Variants in BABAM2 observed in about 807,000 individuals in gnomAD.
BABAM2 encodes the protein BRISC and BRCA1-A complex member 2.
BABAM2 carries 31 observed loss-of-function variants against 54.7 expected under a neutral mutation model. That is an observed-to-expected ratio of 0.57 (90% confidence interval 0.43 to 0.77). The LOEUF is 0.77. Among genes scored for constraint, BABAM2 ranks in the 30% least tolerant of loss-of-function variants. The pLI, the probability that BABAM2 is intolerant of heterozygous loss-of-function variation, is 0.00. For missense variants in BABAM2, 364 were observed against 455.8 expected (o/e 0.80, Z 1.83); for synonymous variants, 167 against 162.9 (o/e 1.03, Z -0.19).
intron 2 of BABAM2, among the ~76,000 whole-genome samples, chr2:27,910,452 T>C (rs1666501423): frequency 6.6e-6 from 1 of 152,216 alleles, no homozygotes; most frequent in South Asian, 2.1e-4. Flanking sequence ...AAAAGTACAC[T>C]GAATCATAAG....
At chr2:27,897,518 T>G (rs1323740044) in intron 2 of BABAM2, among the ~76,000 whole-genome samples, 1 of 152,202 alleles carries the variant, frequency 6.6e-6, no homozygotes, top group Non-Finnish European at 1.5e-5. Context: ...CTGGTGGAGT[T>G]GATCAGAAGA....
At chr2:27,968,244 C>A (rs573750822) in intron 3 of BABAM2, among the ~76,000 whole-genome samples, 2 of 152,152 alleles carry the variant, frequency 1.3e-5, no homozygotes, top group Non-Finnish European at 1.5e-5. Flanking sequence ...TGGTGCCCTG[C>A]GCCCCAGTTG....
intron 6 of BABAM2, among the ~76,000 whole-genome samples, chr2:28,057,495 A>T (rs959686164): frequency 2.8e-5 from 4 of 145,354 alleles, no homozygotes; most frequent in Admixed American, 6.9e-5. Context: ...ACAGGTGACC[A>T]TTTTTTTTTT....
intron 3 of BABAM2, among the ~76,000 whole-genome samples, chr2:27,981,746 T>C (rs1013496089): frequency 2.0e-5 from 3 of 152,330 alleles, no homozygotes; most frequent in East Asian, 3.9e-4. Context: ...TGTCACAATT[T>C]ATTCATTCAT....
intron 2 of BABAM2, among the ~76,000 whole-genome samples, chr2:27,908,222 G>A (rs1157449938): frequency 1.3e-5 from 2 of 152,076 alleles, no homozygotes; most frequent in African/African-American, 2.4e-5. Flanking sequence ...TGTCACATGG[G>A]TAGTGAGTAT....
intron 4 of BABAM2, among the ~76,000 whole-genome samples, chr2:28,018,912 C>T (rs568390308): frequency 1.5e-3 from 228 of 152,128 alleles, no homozygotes; most frequent in Non-Finnish European, 2.6e-3. Context: ...ATATATGAAC[C>T]AGGGTGGTTT....
chr2:27,909,409 GT>G (rs554647704), intron 2 of BABAM2, among the ~76,000 whole-genome samples: 6 of 151,356 alleles, frequency 4.0e-5, no homozygotes, highest in Admixed American at 2.6e-4. Context: ...CATTAAAAAA[GT>G]TTTTTTTTGG....
In BABAM2 at chr2:28,083,011, CT is replaced by C. The variant is rs748039928; in HGVS notation, c.570+37213del. Among the ~76,000 whole-genome samples the C allele has an allele frequency of 3.9e-5, 6 of 152,316 alleles. No individual in the cohort carries two copies. The East Asian group carries it at 5.8e-4, about 15-fold the overall frequency. On this transcript the variant is annotated intron_variant, in intron 6 of 11. Coordinates refer to ENST00000379624, the MANE Select transcript of BABAM2 (RefSeq NM_199191.3). ...ACCTGGGTCTTATCTTCTCTCCATC[CT>C]CTGCCATCATCCTCCCCAATTCTGG...
At chr2:28,038,633 A>G (rs1558678142) in intron 5 of BABAM2, among the ~76,000 whole-genome samples, 1 of 152,106 alleles carries the variant, frequency 6.6e-6, no homozygotes, top group Non-Finnish European at 1.5e-5. Context: ...AACATGTGGT[A>G]TATGGTTTTC....
At chr2:28,014,954 G>A (rs141609691) in intron 4 of BABAM2, among the ~76,000 whole-genome samples, 4 of 152,220 alleles carry the variant, frequency 2.6e-5, no homozygotes, top group African/African-American at 7.2e-5. Context: ...AAGCCAAAGC[G>A]TAATCAAAAT....
chr2:28,124,324 A>G (rs1441402094), intron 6 of BABAM2, among the ~76,000 whole-genome samples: 1 of 152,198 alleles, frequency 6.6e-6, no homozygotes, highest in East Asian at 1.9e-4. Flanking sequence ...ACAATTGAGT[A>G]GTTTCTGTTC....
chr2:28,121,811 A>T (rs1669090991), intron 6 of BABAM2, among the ~76,000 whole-genome samples: 1 of 152,200 alleles, frequency 6.6e-6, no homozygotes. Flanking sequence ...TGATTAAAAA[A>T]ATCTAAATTT....
At chr2:28,269,912 TTAG>T (rs1173722891) in intron 10 of BABAM2, among the ~76,000 whole-genome samples, 1 of 152,138 alleles carries the variant, frequency 6.6e-6, no homozygotes, top group African/African-American at 2.4e-5. Flanking sequence ...CTGATAGTAC[TTAG>T]TAGTACTTGG....
intron 10 of BABAM2, among the ~76,000 whole-genome samples, chr2:28,296,899 G>A (rs1474215327): frequency 6.6e-6 from 1 of 152,116 alleles, no homozygotes; most frequent in Admixed American, 6.6e-5. Flanking sequence ...TGTTGGCCAG[G>A]CTGGTCTTGA....
intron 4 of BABAM2, among the ~76,000 whole-genome samples, chr2:28,002,765 G>A (rs1354223152): frequency 1.3e-5 from 2 of 152,172 alleles, no homozygotes; most frequent in Non-Finnish European, 2.9e-5. Context: ...TATATTTAAT[G>A]TGATAAACTA....
chr2:27,971,895 A>C (rs1671249597), intron 3 of BABAM2, among the ~76,000 whole-genome samples: 1 of 152,186 alleles, frequency 6.6e-6, no homozygotes, highest in South Asian at 2.1e-4. Flanking sequence ...ACAGTTTGTG[A>C]ATATGCATTA....
intron 5 of BABAM2, among the ~76,000 whole-genome samples, chr2:28,036,361 T>G (rs1676659344): frequency 6.6e-6 from 1 of 152,202 alleles, no homozygotes; most frequent in African/African-American, 2.4e-5. Context: ...GAAAAGAGTT[T>G]CCTAGTTTTT....
chr2:28,020,213 T>C (rs1252214989), intron 4 of BABAM2, among the ~76,000 whole-genome samples: 1 of 152,162 alleles, frequency 6.6e-6, no homozygotes, highest in Non-Finnish European at 1.5e-5. Flanking sequence ...GAAGAGACAA[T>C]TGGAGTCTGA....
intron 10 of BABAM2, among the ~76,000 whole-genome samples, chr2:28,271,875 A>G (rs1364117291): frequency 2.6e-5 from 4 of 152,332 alleles, no homozygotes; most frequent in African/African-American, 9.6e-5. Flanking sequence ...CCAATCAGTA[A>G]TGTTTAATTA....
Sources: gnomAD v4.1 joint callset for allele counts (sites outside exome capture counted in the v4.1 genomes callset) on GRCh38, gnomAD v4.1.1 for gene constraint, MANE v1.5 for transcripts, NCBI Gene and HGNC (gene_info 2026-07-23, HGNC 2026-07-21) for gene names.